TRMT11: variants seen among roughly 807,000 people sequenced by gnomAD.
TRMT11 encodes tRNA methyltransferase 11.
A neutral mutation model predicts 62.8 loss-of-function variants in TRMT11; 53 were observed. The observed-to-expected ratio is 0.84, with a 90% CI of 0.68 to 1.06. TRMT11 has a LOEUF of 1.06. TRMT11 is among the 50% of genes least tolerant of loss of function. The pLI is 0.00. For synonymous variants in TRMT11, 188 were observed against 190.3 expected (o/e 0.99, Z 0.10); for missense variants, 556 against 553.4 (o/e 1.00, Z -0.05).
intron 17 of TRMT11, among the ~76,000 whole-genome samples, chr6:126,112,305 T>C (rs1225286359): frequency 6.6e-6 from 1 of 152,186 alleles, no homozygotes; most frequent in East Asian, 1.9e-4. Context: ...TGTGCTAACA[T>C]CTACTAGGAA....
the TRMT11 span, among the ~76,000 whole-genome samples, chr6:126,239,238 G>A: frequency 6.6e-6 from 1 of 152,168 alleles, no homozygotes; most frequent in Non-Finnish European, 1.5e-5. Flanking sequence ...GTGTGAATTT[G>A]ATCCTGTCAT....
At chr6:126,067,268 C>T (rs560706940) in intron 17 of TRMT11, among the ~76,000 whole-genome samples, 1 of 151,694 alleles carries the variant, frequency 6.6e-6, no homozygotes, top group South Asian at 2.1e-4. Flanking sequence ...AATAAATTGT[C>T]ACAAAGTTAA....
chr6:126,019,221 G>T (rs778866560), intron 11 of TRMT11, among the ~76,000 whole-genome samples: 2 of 152,070 alleles, frequency 1.3e-5, no homozygotes, highest in African/African-American at 2.4e-5. Context: ...TTTTAGTATG[G>T]TGCTTTGGGA....
the TRMT11 span, among the ~76,000 whole-genome samples, chr6:126,218,736 A>G: frequency 6.6e-6 from 1 of 152,152 alleles, no homozygotes; most frequent in Non-Finnish European, 1.5e-5. Flanking sequence ...CCATTTTCTC[A>G]CTAGGTCATG....
chr6:126,006,225 A>C (rs1793324895), intron 7 of TRMT11, among the ~76,000 whole-genome samples: 1 of 151,860 alleles, frequency 6.6e-6, no homozygotes, highest in South Asian at 2.1e-4. Context: ...CTGCTAATTT[A>C]ATTTATTTAA....
chr6:126,111,430 A>G (rs1777530162), intron 17 of TRMT11, among the ~76,000 whole-genome samples: 2 of 152,050 alleles, frequency 1.3e-5, no homozygotes, highest in Admixed American at 1.3e-4. Context: ...CACCCCCCAC[A>G]CTTTTTAATA....
At chr6:126,190,928 T>A (rs556974804) in intron 1 of TRMT11, among the ~76,000 whole-genome samples, 1 of 152,296 alleles carries the variant, frequency 6.6e-6, no homozygotes, top group South Asian at 2.1e-4. Flanking sequence ...CTCTTCAACA[T>A]ACTTATTTCC....
At chr6:126,259,567 A>C in the TRMT11 span, among the ~76,000 whole-genome samples, 3 of 152,316 alleles carry the variant, frequency 2.0e-5, no homozygotes, top group East Asian at 3.9e-4. Flanking sequence ...TGCTATTGTG[A>C]ATAGTGCTGC....
At chr6:126,258,266 G>T in the TRMT11 span, 1 of 539,626 alleles carries the variant, frequency 1.9e-6, no homozygotes, top group South Asian at 1.6e-5. Flanking sequence ...GGCCCTGGGG[G>T]GTGGGCTCTG....
chr6:126,007,811 T>C (rs1417591520), intron 7 of TRMT11, among the ~76,000 whole-genome samples: 1 of 152,010 alleles, frequency 6.6e-6, no homozygotes, highest in Non-Finnish European at 1.5e-5. Context: ...ACTCAGAAAT[T>C]TGTATTTACA....
At chr6:126,092,182 G>T (rs1724781673) in intron 17 of TRMT11, among the ~76,000 whole-genome samples, 1 of 152,192 alleles carries the variant, frequency 6.6e-6, no homozygotes, top group Non-Finnish European at 1.5e-5. Flanking sequence ...TGAATTCTCT[G>T]TGTAGATTTA....
chr6:126,202,907 AT>A (rs1189998246), downstream of TRMT11, among the ~76,000 whole-genome samples: 5 of 152,062 alleles, frequency 3.3e-5, no homozygotes, highest in Non-Finnish European at 4.4e-5. Flanking sequence ...AATTAGGATG[AT>A]TTTTTTTCCC....
Position 126,106,678 on chromosome 6 carries a change from C to T in TRMT11, c.*1438-6188C>T, listed in dbSNP as rs138653708. 4.8e-3 allele frequency among the ~76,000 whole-genome samples: 728 copies of T among 152,170 alleles called. 2 individuals carry two copies. Among genetic ancestry groups the T allele is most frequent in the Non-Finnish European group, 7.7e-3 (522 of 68,012 alleles). Reference sequence around the variant, plus strand: ...TCCTGCTAAGCTCTACTTTACTTCTCTGTAGAATGGGGGATAATAATTATA... The same window carrying T: ...TCCTGCTAAGCTCTACTTTACTTCTTTGTAGAATGGGGGATAATAATTATA... On this transcript the variant is annotated intron_variant and NMD_transcript_variant, in intron 17 of 22. Transcript: ENST00000648977.
chr6:126,168,037 G>A (rs1778288221), intron 21 of TRMT11, among the ~76,000 whole-genome samples: 1 of 152,216 alleles, frequency 6.6e-6, no homozygotes, highest in East Asian at 1.9e-4. Context: ...GAACTGCATG[G>A]CTTCAGATGT....
chr6:126,220,999 G>A, the TRMT11 span, among the ~76,000 whole-genome samples: 9 of 152,152 alleles, frequency 5.9e-5, no homozygotes, highest in Admixed American at 5.9e-4. Context: ...ACTTATTGGT[G>A]AGAACATGTG....
chr6:126,252,335 T>G, the TRMT11 span, among the ~76,000 whole-genome samples: 8 of 152,212 alleles, frequency 5.3e-5, no homozygotes, highest in African/African-American at 1.9e-4. Flanking sequence ...CAAGAGTGCC[T>G]ACATACGGCT....
At chr6:126,124,032 G>A (rs1364160892) in intron 21 of TRMT11, among the ~76,000 whole-genome samples, 1 of 151,848 alleles carries the variant, frequency 6.6e-6, no homozygotes, top group Non-Finnish European at 1.5e-5. Context: ...TTTTCTCTGA[G>A]TCTCTTTCTA....
intron 16 of TRMT11, among the ~76,000 whole-genome samples, chr6:126,052,508 T>G (rs1273986530): frequency 6.6e-6 from 1 of 152,170 alleles, no homozygotes; most frequent in East Asian, 1.9e-4. Flanking sequence ...GTTTTTTAAT[T>G]TATTAAAAAA....
At chr6:126,244,488 T>C in the TRMT11 span, among the ~76,000 whole-genome samples, 21 of 152,178 alleles carry the variant, frequency 1.4e-4, no homozygotes, top group African/African-American at 4.8e-4. Flanking sequence ...AAAGTTATGA[T>C]TGAAATGCTC....
Sources: allele counts gnomAD v4.1 joint callset (sites outside exome capture counted in the v4.1 genomes callset), GRCh38; gene constraint gnomAD v4.1.1; transcripts MANE v1.5; gene names NCBI Gene and HGNC (gene_info 2026-07-23, HGNC 2026-07-21).